The following XKR6 variants were observed in gnomAD, a reference collection of about 807,000 sequenced individuals.
XKR6 encodes the protein XK-related protein 6.
In XKR6, 22 loss-of-function variants were observed where a neutral mutation model predicts 56.7. The observed-to-expected ratio is 0.39, with a 90% confidence interval of 0.28 to 0.55. The LOEUF (loss-of-function observed/expected upper bound fraction) is 0.55, where lower values mean the gene tolerates loss of function less well. Among genes scored for constraint, XKR6 ranks in the 20% least tolerant of loss-of-function variants. The pLI, the probability that XKR6 is intolerant of heterozygous loss-of-function variation, is 0.66. For synonymous variants in XKR6, 524 were observed against 387.8 expected, an observed-to-expected ratio of 1.35 and a Z score of -4.13; for missense variants, 852 against 889.0, an observed-to-expected ratio of 0.96 and a Z score of 0.53.
intron 1 of XKR6, among the ~76,000 whole-genome samples, chr8:10,990,237 C>G (rs1288821820): frequency 6.6e-6 from 1 of 152,222 alleles, no homozygotes; most frequent in Non-Finnish European, 1.5e-5. Flanking sequence ...ACAAACGCGT[C>G]TCTATCCAGG....
At chr8:11,092,207 G>T (rs1205633941) in intron 1 of XKR6, among the ~76,000 whole-genome samples, 4 of 152,166 alleles carry the variant, frequency 2.6e-5, no homozygotes, top group African/African-American at 9.7e-5. Context: ...TGAACTCATT[G>T]CTTTTAAAAT....
rs531516442 is a variant in XKR6 at position 11,148,667 on chromosome 8, CACTCCT to C, written c.764+51903_764+51908del. 9.1e-4 allele frequency among the ~76,000 whole-genome samples: 139 copies of C among 152,282 alleles called. 1 individual carries two copies. Among genetic ancestry groups the C allele is most frequent in the African/African-American group, 3.2e-3 (131 of 41,558 alleles). ...TACCTATCATATGATCCAGCTATTC[CACTCCT>C]AGGTATTTATCGAGGAGAAATAAAA... On this transcript the variant is annotated intron_variant, in intron 1 of 2. Coordinates refer to ENST00000416569, the MANE Select transcript of XKR6 (RefSeq NM_173683.4).
intron 2 of XKR6, among the ~76,000 whole-genome samples, chr8:10,907,710 T>C (rs1051606500): frequency 6.6e-6 from 1 of 152,258 alleles, no homozygotes; most frequent in Non-Finnish European, 1.5e-5. Context: ...AGAATTATCA[T>C]TGAGGCTTAT....
At chr8:11,155,745 C>T (rs947998286) in intron 1 of XKR6, among the ~76,000 whole-genome samples, 6 of 152,164 alleles carry the variant, frequency 3.9e-5, no homozygotes, top group Non-Finnish European at 8.8e-5. Flanking sequence ...ACCTCCCACC[C>T]GTCTATTTTT....
At chr8:11,083,682 C>A (rs1013134205) in intron 1 of XKR6, among the ~76,000 whole-genome samples, 2 of 151,992 alleles carry the variant, frequency 1.3e-5, no homozygotes, top group Non-Finnish European at 2.9e-5. Context: ...ACGTAAAAGT[C>A]AAAAAATCTG....
chr8:11,057,654 C>T (rs1586487317), intron 1 of XKR6, among the ~76,000 whole-genome samples: 1 of 152,252 alleles, frequency 6.6e-6, no homozygotes, highest in South Asian at 2.1e-4. Context: ...AAGGAAGGAC[C>T]CAGGCTCCAT....
chr8:11,174,702 C>G (rs536307070), intron 1 of XKR6, among the ~76,000 whole-genome samples: 45 of 152,268 alleles, frequency 3.0e-4, no homozygotes, highest in South Asian at 1.0e-3. Context: ...AGAGGTCACG[C>G]TCAGTTACAG....
intron 1 of XKR6, among the ~76,000 whole-genome samples, chr8:11,102,789 A>G (rs1385361866): frequency 2.0e-5 from 3 of 152,104 alleles, no homozygotes; most frequent in Non-Finnish European, 4.4e-5. Context: ...CCTAGAGAGA[A>G]ACCAACACTG....
chr8:10,897,827 G>T lies in XKR6; in HGVS notation c.*125C>A. On this transcript the variant is annotated 3_prime_UTR_variant, in exon 3 of 3. Transcript: ENST00000416569. ...TTTTTTTTGTAGTGGTGGTGTTGGT[G>T]TGGCGGTGTTGGTGGTGGTGGCGGT... is the stretch of plus-strand genomic sequence containing the variant. The T allele has an allele frequency of 8.3e-7, 1 of 1,202,184 alleles. No individual in the cohort carries two copies. Among genetic ancestry groups the T allele is most frequent in the Non-Finnish European group, 1.1e-6 (1 of 884,072 alleles). The allele number at this position is 1,202,184 out of a possible 1,614,324, so 74.5% of individuals were successfully genotyped here.
At position 10,897,430 on chromosome 8, in the gene XKR6, G is replaced by C. The variant is rs928954503; in HGVS notation, c.*522C>G. 2.0e-5 allele frequency: 3 copies of C among 152,558 alleles called. No homozygotes were observed. The South Asian group carries it at 6.2e-4, about 32-fold the overall frequency. The allele number at this position is 152,558 out of a possible 1,614,324, so 9.5% of individuals were successfully genotyped here. A position where few individuals can be genotyped will look rare whatever the true frequency, so the allele number is the denominator to read the frequency against. ...CTCTTCTGGTGCAAAAATCACCAGA[G>C]AGTTTTGCATGAGAAAACGTGACAG... On this transcript the variant is annotated 3_prime_UTR_variant, in exon 3 of 3. Transcript: ENST00000416569.
intron 1 of XKR6, among the ~76,000 whole-genome samples, chr8:11,131,594 C>A (rs1586590221): frequency 6.6e-6 from 1 of 152,134 alleles, no homozygotes; most frequent in African/African-American, 2.4e-5. Context: ...TTGCCATTAG[C>A]CGCCAGTTCT....
At chr8:11,038,500 TGTGTG>T (rs1799202804) in intron 1 of XKR6, among the ~76,000 whole-genome samples, 2 of 30,102 alleles carry the variant, frequency 6.6e-5, no homozygotes, top group Non-Finnish European at 1.2e-4. Context: ...AGTCATTTTG[TGTGTG>T]TGTGTGTGTG....
intron 1 of XKR6, chr8:11,108,139 C>T (rs991832888): frequency 2.8e-6 from 1 of 357,276 alleles, no homozygotes; most frequent in South Asian, 2.1e-5. Context: ...TGTGTTGAAA[C>T]ACATTTCTAA....
At chr8:11,003,449 T>C (rs1362270715) in intron 1 of XKR6, among the ~76,000 whole-genome samples, 5 of 152,104 alleles carry the variant, frequency 3.3e-5, no homozygotes, top group Middle Eastern at 3.4e-3. Flanking sequence ...ACCACAATCA[T>C]AGTCACTATC....
chr8:11,080,192 G>A (rs1206340530), intron 1 of XKR6, among the ~76,000 whole-genome samples: 1 of 151,004 alleles, frequency 6.6e-6, no homozygotes, highest in Non-Finnish European at 1.5e-5. Context: ...ACAGACTTTT[G>A]GTCCTTTGCC....
At chr8:10,948,512 C>G (rs1228483748) in intron 1 of XKR6, among the ~76,000 whole-genome samples, 1 of 152,152 alleles carries the variant, frequency 6.6e-6, no homozygotes, top group Non-Finnish European at 1.5e-5. Context: ...CAGGTGAGCT[C>G]TCAGGCCCTG....
chr8:11,030,254 C>T (rs1798961518), intron 1 of XKR6, among the ~76,000 whole-genome samples: 1 of 152,234 alleles, frequency 6.6e-6, no homozygotes, highest in South Asian at 2.1e-4. Context: ...CCTTCCCTTT[C>T]CATCTGGGTG....
At chr8:10,952,721 G>T (rs1801762848) in intron 1 of XKR6, among the ~76,000 whole-genome samples, 1 of 152,190 alleles carries the variant, frequency 6.6e-6, no homozygotes, top group Non-Finnish European at 1.5e-5. Flanking sequence ...GTGGGGCCTG[G>T]TGGGAGGTGT....
At chr8:11,002,428 G>T (rs762876857) in intron 1 of XKR6, 3 of 413,814 alleles carry the variant, frequency 7.2e-6, no homozygotes, top group Admixed American at 2.8e-5. Context: ...GCGTGCAGCA[G>T]TACACAGTGT....
Sources: gnomAD v4.1 joint callset for allele counts (sites outside exome capture counted in the v4.1 genomes callset) on GRCh38, gnomAD v4.1.1 for gene constraint, MANE v1.5 for transcripts, NCBI Gene and HGNC (gene_info 2026-07-23, HGNC 2026-07-21) for gene names.